Variants in SLC44A5 observed in about 807,000 individuals in gnomAD.
SLC44A5 encodes the protein choline transporter-like protein 5.
In SLC44A5, 57 loss-of-function variants were observed where a neutral mutation model predicts 101.8. That is an observed-to-expected ratio of 0.56 (90% CI 0.45 to 0.70). The LOEUF (loss-of-function observed/expected upper bound fraction) is 0.70, where lower values mean the gene tolerates loss of function less well. Ranked by LOEUF, SLC44A5 falls within the 30% of genes least tolerant of loss-of-function variation. The pLI is 0.00. For synonymous variants in SLC44A5, 281 were observed against 290.9 expected (o/e 0.97, Z 0.35); for missense variants, 737 against 853.1 (o/e 0.86, Z 1.70).
intron 3 of SLC44A5, among the ~76,000 whole-genome samples, chr1:75,362,679 C>T (rs565804651): frequency 6.6e-6 from 1 of 152,068 alleles, no homozygotes; most frequent in South Asian, 2.1e-4. Context: ...TGATTTCACT[C>T]CTCTTAAATG....
At chr1:75,653,071 A>T in the SLC44A5 span, among the ~76,000 whole-genome samples, 1 of 152,220 alleles carries the variant, frequency 6.6e-6, no homozygotes, top group Admixed American at 6.5e-5. Context: ...TACTCAGATG[A>T]CTGAGTTAAT....
At chr1:75,615,816 AG>A, upstream of SLC44A5, 1 of 970,328 alleles carries the variant, frequency 1.0e-6, no homozygotes, top group Non-Finnish European at 1.2e-6. Context: ...CGGGTGAGAG[AG>A]GGGAGGCGGC....
chr1:75,503,678 T>C (rs78333097), intron 2 of SLC44A5, among the ~76,000 whole-genome samples: 5,303 of 152,286 alleles, frequency 0.035, 137 homozygotes, highest in Non-Finnish European at 0.054. Context: ...AAATTGTCCA[T>C]TGGTAAATCA....
intron 1 of SLC44A5, among the ~76,000 whole-genome samples, chr1:75,562,015 T>C (rs1672546033): frequency 6.6e-6 from 1 of 152,070 alleles, no homozygotes; most frequent in Non-Finnish European, 1.5e-5. Context: ...CTTAATACTT[T>C]GGTGATAAAA....
intron 19 of SLC44A5, 68 bp from the exon 20 acceptor site, chr1:75,214,746 A>G (rs1557529867): frequency 4.6e-6 from 6 of 1,308,168 alleles, no homozygotes; most frequent in South Asian, 1.3e-5. Flanking sequence ...AGACAATCCA[A>G]TGACAGGAAG....
At chr1:75,526,047 A>C (rs988600520) in intron 2 of SLC44A5, among the ~76,000 whole-genome samples, 7 of 152,212 alleles carry the variant, frequency 4.6e-5, no homozygotes, top group Non-Finnish European at 8.8e-5. Context: ...CATAATTAGT[A>C]GTCCCAGAGT....
At chr1:75,363,649 G>A (rs1659659841) in intron 3 of SLC44A5, among the ~76,000 whole-genome samples, 1 of 151,928 alleles carries the variant, frequency 6.6e-6, no homozygotes, top group Non-Finnish European at 1.5e-5. Flanking sequence ...TGTACCTGTA[G>A]TTGTTGTTAA....
chr1:75,588,312 T>G (rs1674140757), intron 1 of SLC44A5, among the ~76,000 whole-genome samples: 1 of 151,000 alleles, frequency 6.6e-6, no homozygotes, highest in African/African-American at 2.4e-5. Context: ...AAGAAAGGGA[T>G]GGAGTAAAGA....
chr1:75,457,017 T>A (rs1438798669), intron 2 of SLC44A5, among the ~76,000 whole-genome samples: 1 of 152,178 alleles, frequency 6.6e-6, no homozygotes, highest in Non-Finnish European at 1.5e-5. Flanking sequence ...CCCAAGCCCA[T>A]GAGGAAGCAC....
chr1:75,328,044 G>A (rs138066722), intron 4 of SLC44A5, among the ~76,000 whole-genome samples: 166 of 152,336 alleles, frequency 1.1e-3, no homozygotes, highest in Non-Finnish European at 2.0e-3. Context: ...TACATGGTAG[G>A]TGGTGCCACG....
chr1:75,532,140 C>T (rs1161633556), intron 2 of SLC44A5, among the ~76,000 whole-genome samples: 2 of 152,122 alleles, frequency 1.3e-5, no homozygotes, highest in Admixed American at 6.6e-5. Flanking sequence ...GGTTGAAAAC[C>T]ACTGGATTAG....
At chr1:75,258,751 G>A (rs768132846) in intron 6 of SLC44A5, among the ~76,000 whole-genome samples, 16 of 152,084 alleles carry the variant, frequency 1.1e-4, no homozygotes, top group African/African-American at 1.7e-4. Context: ...CCCAGTAGGC[G>A]CCAATAGACA....
intron 3 of SLC44A5, among the ~76,000 whole-genome samples, chr1:75,356,235 G>T (rs921439492): frequency 1.4e-5 from 2 of 138,228 alleles, no homozygotes; most frequent in East Asian, 2.3e-4. Flanking sequence ...AAAAAAAAGA[G>T]ATATTCTAGA....
intron 4 of SLC44A5, among the ~76,000 whole-genome samples, chr1:75,300,932 T>C (rs528130100): frequency 1.3e-5 from 2 of 152,328 alleles, no homozygotes; most frequent in African/African-American, 4.8e-5. Flanking sequence ...TTCTCTCTTA[T>C]TTATTTGTAA....
At chr1:75,479,298 A>C (rs1476044285) in intron 2 of SLC44A5, among the ~76,000 whole-genome samples, 1 of 152,262 alleles carries the variant, frequency 6.6e-6, no homozygotes, top group Non-Finnish European at 1.5e-5. Flanking sequence ...AAGAGAAAGC[A>C]GGAAAGATCT....
In SLC44A5 at chr1:75,559,482, T is replaced by A. The variant is rs559907202; in HGVS notation, c.-69-17966A>T. ...ATCTGATAATATCGGATAGTTCACT[T>A]GGAAGCACTGAGTAGTATATTGAGA... On this transcript the variant is annotated intron_variant, in intron 1 of 23. Coordinates refer to ENST00000370859, the MANE Select transcript of SLC44A5 (RefSeq NM_001130058.2). Among the ~76,000 whole-genome samples the A allele has an allele frequency of 5.3e-5, 8 of 152,292 alleles. No homozygotes were observed. In the East Asian group the frequency reaches 1.3e-3, roughly 26 times the overall value.
chr1:75,581,034 G>T (rs1462652497), intron 1 of SLC44A5, among the ~76,000 whole-genome samples: 1 of 152,004 alleles, frequency 6.6e-6, no homozygotes, highest in Non-Finnish European at 1.5e-5. Context: ...AAGTCAGAAA[G>T]TCAGAAATAT....
intron 4 of SLC44A5, chr1:75,311,587 G>T (rs911054310): frequency 2.0e-6 from 2 of 984,412 alleles, no homozygotes; most frequent in African/African-American, 1.7e-5. Flanking sequence ...GGCCTTCAAA[G>T]ACTCTAATTT....
intron 2 of SLC44A5, among the ~76,000 whole-genome samples, chr1:75,416,309 C>T (rs1364669463): frequency 7.0e-6 from 1 of 142,972 alleles, no homozygotes; most frequent in African/African-American, 2.5e-5. Flanking sequence ...GGATGCAAGC[C>T]CCAAACCTCT....
Sources: gnomAD v4.1 joint callset for allele counts (sites outside exome capture counted in the v4.1 genomes callset) on GRCh38, gnomAD v4.1.1 for gene constraint, MANE v1.5 for transcripts, NCBI Gene and HGNC (gene_info 2026-07-23, HGNC 2026-07-21) for gene names.